TLN2: variants seen among roughly 807,000 people sequenced by gnomAD.
TLN2 encodes talin-2.
Under a neutral mutation model 294.7 loss-of-function variants are expected in TLN2, and 118 were observed. The ratio of observed to expected loss-of-function variants is 0.40; its 90% CI spans 0.34 to 0.47. The LOEUF is 0.47. TLN2 is among the 20% of genes least tolerant of loss of function. The probability of loss-of-function intolerance (pLI) is 0.84; values close to 1 mark genes in which losing one functional copy is unlikely to be tolerated. For synonymous variants in TLN2, 1,431 were observed against 1,304.5 expected (o/e 1.10, Z -2.09); for missense variants, 3,083 against 3,282.2 (o/e 0.94, Z 1.48).
chr15:62,565,952 A>G (rs570329464), intron 1 of TLN2, among the ~76,000 whole-genome samples: 1 of 150,760 alleles, frequency 6.6e-6, no homozygotes, highest in South Asian at 2.1e-4. Context: ...TTTACCTCTT[A>G]AGCCTCAGTT....
At chr15:62,770,914 C>G (rs773320597) in intron 41 of TLN2, 50 bp from the exon 42 acceptor site, 2 of 1,567,326 alleles carry the variant, frequency 1.3e-6, no homozygotes, top group South Asian at 2.4e-5. Context: ...CTGAAGGAGA[C>G]ACGTGTATTT....
chr15:62,603,020 G>A (rs567736756), intron 2 of TLN2, among the ~76,000 whole-genome samples: 3 of 152,124 alleles, frequency 2.0e-5, no homozygotes, highest in Admixed American at 6.5e-5. Flanking sequence ...AGCCTCCCAA[G>A]TAGCTGGGAC....
intron 50 of TLN2, among the ~76,000 whole-genome samples, chr15:62,802,792 C>G (rs1370816599): frequency 6.6e-6 from 1 of 152,170 alleles, no homozygotes; most frequent in Non-Finnish European, 1.5e-5. Flanking sequence ...AATGATATCA[C>G]ATTGTAGTTT....
intron 1 of TLN2, among the ~76,000 whole-genome samples, chr15:62,456,137 G>A (rs1179520146): frequency 1.3e-5 from 2 of 151,404 alleles, no homozygotes; most frequent in African/African-American, 2.4e-5. Context: ...AGCCCTGATC[G>A]TCCGGGGAGT....
At chr15:62,804,690 A>C (rs2066153032) in intron 50 of TLN2, among the ~76,000 whole-genome samples, 1 of 151,966 alleles carries the variant, frequency 6.6e-6, no homozygotes, top group Non-Finnish European at 1.5e-5. Context: ...TGAAGTGGGG[A>C]TTTGGGGTCC....
At chr15:62,712,124 T>G in intron 22 of TLN2, 47 bp downstream of exon 22, 2 of 1,587,144 alleles carry the variant, frequency 1.3e-6, no homozygotes, top group Middle Eastern at 1.7e-4. Context: ...CTATTAAGTG[T>G]TAGGATTTGG....
chr15:62,771,142 C>G lies in TLN2; in HGVS notation c.5367+8C>G, dbSNP rs1306494374. ...GGTGGCGGAAACCCCAAGGTATGGT[C>G]CAGGATATCGGGGACTCACTTAGGA... is the stretch of plus-strand genomic sequence containing the variant. On this transcript the variant is annotated splice_region_variant and intron_variant, in intron 42 of 58. Transcript: ENST00000636159. The G allele has an allele frequency of 4.4e-6, 7 of 1,601,170 alleles. No individual in the cohort carries two copies. The African/African-American group carries it at 8.0e-5, about 18-fold the overall frequency.
At chr15:62,653,747 T>TA (rs2052874392) in intron 7 of TLN2, among the ~76,000 whole-genome samples, 1 of 31,774 alleles carries the variant, frequency 3.1e-5, no homozygotes, top group Non-Finnish European at 1.5e-4. Context: ...TAAATAAAAA[T>TA]TAAAAAAAAA....
intron 51 of TLN2, among the ~76,000 whole-genome samples, chr15:62,808,800 G>A (rs929157360): frequency 1.3e-5 from 2 of 152,208 alleles, no homozygotes; most frequent in African/African-American, 4.8e-5. Context: ...TCCTGCCTCC[G>A]AGCCCATTAG....
intron 39 of TLN2, chr15:62,763,287 A>G: frequency 3.5e-6 from 1 of 284,814 alleles, no homozygotes; most frequent in Non-Finnish European, 6.5e-6. Flanking sequence ...TCCAAGTCCA[A>G]ATTGCTTCCT....
intron 32 of TLN2, among the ~76,000 whole-genome samples, chr15:62,746,678 G>T (rs565701257): frequency 1.2e-4 from 18 of 152,302 alleles, no homozygotes; most frequent in Non-Finnish European, 2.2e-4. Flanking sequence ...TTTTATATTA[G>T]TGTTGGTGAT....
intron 19 of TLN2, among the ~76,000 whole-genome samples, chr15:62,706,310 C>A (rs537425497): frequency 6.6e-6 from 1 of 152,390 alleles, no homozygotes; most frequent in East Asian, 1.9e-4. Flanking sequence ...ATCTGGTAGG[C>A]TCAATCAAAG....
intron 2 of TLN2, among the ~76,000 whole-genome samples, chr15:62,602,351 T>C (rs1401324374): frequency 6.6e-6 from 1 of 152,268 alleles, no homozygotes; most frequent in Admixed American, 6.5e-5. Context: ...ATATTTTGAA[T>C]AGGACTTCTC....
At chr15:62,806,042 A>G (rs2066257379) in intron 51 of TLN2, among the ~76,000 whole-genome samples, 1 of 152,130 alleles carries the variant, frequency 6.6e-6, no homozygotes, top group East Asian at 1.9e-4. Context: ...ATTTTTTTTA[A>G]GTAACCAAGT....
chr15:62,674,642 C>T (rs2055933649), intron 10 of TLN2, among the ~76,000 whole-genome samples: 2 of 151,606 alleles, frequency 1.3e-5, no homozygotes, highest in South Asian at 4.2e-4. Flanking sequence ...GCTGGGATGA[C>T]AGGCATGTGC....
intron 51 of TLN2, among the ~76,000 whole-genome samples, chr15:62,807,963 A>G (rs1298347553): frequency 1.3e-5 from 2 of 152,200 alleles, no homozygotes; most frequent in East Asian, 3.9e-4. Flanking sequence ...AAGGGAGCGC[A>G]TGCAATAATG....
At chr15:62,501,994 A>G (rs915020676) in intron 1 of TLN2, among the ~76,000 whole-genome samples, 2 of 152,180 alleles carry the variant, frequency 1.3e-5, no homozygotes, top group Non-Finnish European at 2.9e-5. Flanking sequence ...ATACCACTGC[A>G]TGTGATATGG....
chr15:62,495,338 G>A (rs978150115), intron 1 of TLN2, among the ~76,000 whole-genome samples: 10 of 152,164 alleles, frequency 6.6e-5, no homozygotes, highest in Admixed American at 5.9e-4. Flanking sequence ...AGAAAGCCTA[G>A]GATCTTTCTC....
In TLN2 at chr15:62,761,809, G is replaced by A. The variant is rs1159605115; in HGVS notation, c.4767G>A (p.Gln1589=). Residue 1589 remains glutamine (Q), a synonymous_variant, in exon 38 of 59, where the codon CAG becomes CAA. Transcript: ENST00000636159. ...SNPEFVSIPA[Q]ISSEGSQAQE... ...CTGAGTTTGTCAGCATTCCTGCCCA[G>A]ATCAGCTCCGAGGTAGGGAGTGTTT... is the stretch of plus-strand genomic sequence containing the variant. 1 of 1,614,160 alleles carries A rather than the reference G, an allele frequency of 6.2e-7. No individual in the cohort carries two copies. Among genetic ancestry groups the A allele is most frequent in the African/African-American group, 1.3e-5 (1 of 75,040 alleles).
Sources: gnomAD v4.1 joint callset for allele counts (sites outside exome capture counted in the v4.1 genomes callset) on GRCh38, gnomAD v4.1.1 for gene constraint, MANE v1.5 for transcripts, NCBI Gene and HGNC (gene_info 2026-07-23, HGNC 2026-07-21) for gene names.